Variants in TMEM52B observed in about 807,000 individuals in gnomAD.
TMEM52B encodes the protein transmembrane protein 52B.
TMEM52B carries 11 observed loss-of-function variants against 16.1 expected under a neutral mutation model. That is an observed-to-expected ratio of 0.68 (90% CI 0.43 to 1.13). The LOEUF is 1.13. Among genes scored for constraint, TMEM52B ranks in the 50% most tolerant of loss-of-function variants. TMEM52B has a pLI of 0.00. For synonymous variants in TMEM52B, 101 were observed against 93.8 expected (o/e 1.08, Z -0.45); for missense variants, 243 against 230.4 (o/e 1.05, Z -0.35).
Position 10,180,892 on chromosome 12 carries a change from G to A in TMEM52B, c.54+1264G>A, listed in dbSNP as rs1227870664. ...ACGATCTTGGCTGACTGCAACCTCC[G>A]CCTCCTGGGTTCAAGCGATTCTCTT... On this transcript the variant is annotated intron_variant, in intron 1 of 4. Coordinates refer to ENST00000543484, the MANE Select transcript of TMEM52B (RefSeq NM_001384896.1). Among the ~76,000 whole-genome samples the A allele has an allele frequency of 2.6e-5, 4 of 151,956 alleles. No individual in the cohort carries two copies. In the South Asian group the frequency reaches 6.2e-4, roughly 24 times the overall value.
At chr12:10,177,457 C>G (rs1948774392), upstream of TMEM52B, among the ~76,000 whole-genome samples, 1 of 152,106 alleles carries the variant, frequency 6.6e-6, no homozygotes, top group Non-Finnish European at 1.5e-5. Context: ...AGTCTCCCTT[C>G]CACAATCACT....
Position 10,190,000 on chromosome 12 carries a change from T to C in TMEM52B, c.412T>C (p.Tyr138His). 6.2e-7 allele frequency: 1 copy of C among 1,614,088 alleles called. No individual in the cohort carries two copies. Among genetic ancestry groups the C allele is most frequent in the Non-Finnish European group, 8.5e-7 (1 of 1,180,026 alleles). ...CTCCTCTTTGGACACCCTCCCAGGG[T>C]ATGAAGAAGCTCTTCACATGAGTCG... ...LPSSLDTLPG[Y>H]EEALHMSRFT... is the part of the protein sequence containing the mutation. Residue 138 changes from tyrosine to histidine, a missense_variant, in exon 5 of 5, where the codon TAT becomes CAT. Physicochemically the swap from Tyr to His is moderately conservative, Grantham distance 83. Transcript: ENST00000543484.
chr12:10,178,344 G>A (rs1029744835), upstream of TMEM52B, among the ~76,000 whole-genome samples: 1 of 151,592 alleles, frequency 6.6e-6, no homozygotes, highest in Non-Finnish European at 1.5e-5. Flanking sequence ...GTGAAACCCC[G>A]TCTCGTCTCT....
At chr12:10,189,151 C>T (rs1250117249) in intron 4 of TMEM52B, among the ~76,000 whole-genome samples, 2 of 145,594 alleles carry the variant, frequency 1.4e-5, no homozygotes, top group Non-Finnish European at 3.0e-5. Context: ...TGCAGCGACC[C>T]GAGATTGTGC....
At chr12:10,177,713 T>G (rs1948776640), upstream of TMEM52B, among the ~76,000 whole-genome samples, 1 of 149,576 alleles carries the variant, frequency 6.7e-6, no homozygotes, top group African/African-American at 2.5e-5. Flanking sequence ...GAGGTTGCAG[T>G]GAGCCGAGAT....
At chr12:10,178,128 G>A (rs1401169765), upstream of TMEM52B, among the ~76,000 whole-genome samples, 1 of 151,742 alleles carries the variant, frequency 6.6e-6, no homozygotes, top group African/African-American at 2.4e-5. Context: ...ACTCCTGGCC[G>A]AAGTTATCAG....
chr12:10,172,101 G>A (rs1368271547), intron 1 of TMEM52B: 16 of 1,582,466 alleles, frequency 1.0e-5, no homozygotes, highest in Non-Finnish European at 1.2e-5. Flanking sequence ...CTAAGAATGA[G>A]AGAGTGAAGC....
chr12:10,179,926 A>G (rs1226447376), intron 1 of TMEM52B, among the ~76,000 whole-genome samples: 1 of 152,206 alleles, frequency 6.6e-6, no homozygotes, highest in South Asian at 2.1e-4. Context: ...TTAGCATCTT[A>G]TCACCCATCC....
At chr12:10,178,672 A>G (rs1326674551), upstream of TMEM52B, among the ~76,000 whole-genome samples, 1 of 152,190 alleles carries the variant, frequency 6.6e-6, no homozygotes, top group African/African-American at 2.4e-5. Flanking sequence ...AAAGAGAGAG[A>G]AAGAAGGAAC....
Position 10,179,470 on chromosome 12 carries a change from C to G in TMEM52B, c.-105C>G. ...GCTGATAAATTCCTGAGAAAAGTTTCTCTTCTTAAGAATTCTAGGTCAAGA... is the reference window on the plus strand; with the variant it reads ...GCTGATAAATTCCTGAGAAAAGTTTGTCTTCTTAAGAATTCTAGGTCAAGA... On this transcript the variant is annotated 5_prime_UTR_variant, in exon 1 of 5. Transcript: ENST00000543484. 8.0e-7 allele frequency: 1 copy of G among 1,243,544 alleles called. No individual in the cohort carries two copies. Among genetic ancestry groups the G allele is most frequent in the Non-Finnish European group, 1.2e-6 (1 of 846,740 alleles). The allele number at this position is 1,243,544 out of a possible 1,614,324, so 77.0% of individuals were successfully genotyped here. A position where few individuals can be genotyped will look rare whatever the true frequency, so the allele number is the denominator to read the frequency against.
At chr12:10,173,020 A>T (rs1948736387) in intron 1 of TMEM52B, among the ~76,000 whole-genome samples, 2 of 152,228 alleles carry the variant, frequency 1.3e-5, no homozygotes, top group Non-Finnish European at 2.9e-5. Flanking sequence ...TTGGAGCATA[A>T]TAAGAAGCCA....
intron 1 of TMEM52B, among the ~76,000 whole-genome samples, chr12:10,180,845 A>C (rs1053433167): frequency 3.9e-4 from 60 of 152,220 alleles, no homozygotes; most frequent in African/African-American, 1.4e-3. Context: ...TGCCCTTGTT[A>C]CCCAGGCTGG....
rs1948942949 is a variant in TMEM52B, at chr12:10,190,219, C to T, written c.*79C>T. 5 of 1,576,544 alleles carry T rather than the reference C, an allele frequency of 3.2e-6. No individual in the cohort carries two copies. In the South Asian group the frequency reaches 5.8e-5, roughly 18 times the overall value. On this transcript the variant is annotated 3_prime_UTR_variant, in exon 5 of 5. Coordinates refer to ENST00000543484, the MANE Select transcript of TMEM52B (RefSeq NM_001384896.1). ...AAATGGAACACATACTTTTCTAACC[C>T]TCAGAAGTTTTAAGATGGCATCTAA... is the stretch of plus-strand genomic sequence containing the variant.
upstream of TMEM52B, among the ~76,000 whole-genome samples, chr12:10,177,989 G>A (rs545889812): frequency 7.5e-4 from 112 of 149,666 alleles, no homozygotes; most frequent in African/African-American, 2.6e-3. Context: ...TCTGCCTTCC[G>A]GGTTCAAGTG....
chr12:10,176,278 A>C (rs909725782), upstream of TMEM52B, among the ~76,000 whole-genome samples: 1 of 152,196 alleles, frequency 6.6e-6, no homozygotes, highest in Admixed American at 6.5e-5. Context: ...GATAAAAACA[A>C]ACTTTTATCT....
rs869240234 is a variant in TMEM52B at position 10,189,016 on chromosome 12, C to CAAAAAAAAA, written c.308-853_308-845dup. Reference sequence around the variant, plus strand: ...TGGGCGACAGAGCGAGACTCCGTCTCAAAAAAAAAAAAAAAAAAAAAAAAA... The same window carrying CAAAAAAAAA: ...TGGGCGACAGAGCGAGACTCCGTCTCAAAAAAAAAAAAAAAAAAAAAAAAAAAAAAAAAA... On this transcript the variant is annotated intron_variant, in intron 4 of 4. Transcript: ENST00000543484. Among the ~76,000 whole-genome samples the CAAAAAAAAA allele has an allele frequency of 4.6e-4, 26 of 56,500 alleles. 1 individual carries two copies. Among genetic ancestry groups the CAAAAAAAAA allele is most frequent in the African/African-American group, 1.3e-3 (16 of 12,346 alleles). The allele number at this position is 56,500 out of a possible 152,430, so 37.1% of individuals were successfully genotyped here.
In TMEM52B at chr12:10,179,368, G is replaced by T; in HGVS notation, c.-207G>T. ...GTAATAAGAATAAAGAAGAAAAACA[G>T]GAAAGAAGAGGGAAAAGCCATAGAA... On this transcript the variant is annotated 5_prime_UTR_variant, in exon 1 of 5. The change creates a new upstream start codon in the 5' untranslated region. Coordinates refer to ENST00000543484, the MANE Select transcript of TMEM52B (RefSeq NM_001384896.1). The T allele has an allele frequency of 1.7e-6, 1 of 572,790 alleles. No individual in the cohort carries two copies. 35.5% of individuals were successfully genotyped at this position (572,790 alleles called of 1,614,324 possible). A position where few individuals can be genotyped will look rare whatever the true frequency, so the allele number is the denominator to read the frequency against.
intron 1 of TMEM52B, chr12:10,172,157 G>C: frequency 1.1e-6 from 1 of 911,314 alleles, no homozygotes; most frequent in Non-Finnish European, 1.8e-6. Flanking sequence ...TTCTGCAGAA[G>C]TATTTAAATA....
chr12:10,187,596 A>G (rs529153457), intron 4 of TMEM52B, among the ~76,000 whole-genome samples: 4 of 150,244 alleles, frequency 2.7e-5, no homozygotes, highest in East Asian at 2.0e-4. Context: ...TTATTTATTT[A>G]TTTGTTTATT....
Sources: allele counts gnomAD v4.1 joint callset (sites outside exome capture counted in the v4.1 genomes callset), GRCh38; gene constraint gnomAD v4.1.1; transcripts MANE v1.5; gene names NCBI Gene and HGNC (gene_info 2026-07-23, HGNC 2026-07-21).